ZNF708: variants seen among roughly 807,000 people sequenced by gnomAD.
ZNF708 encodes ZNF15, ZNF15L1.
Under a neutral mutation model 47.0 loss-of-function variants are expected in ZNF708, and 44 were observed. The observed-to-expected ratio is 0.94, with a 90% CI of 0.74 to 1.20. The LOEUF is 1.20. ZNF708 is among the 50% of genes most tolerant of loss of function. ZNF708 has a pLI of 0.00. For synonymous variants in ZNF708, 184 were observed against 218.5 expected (o/e 0.84, Z 1.39); for missense variants, 557 against 656.0 (o/e 0.85, Z 1.65).
At chr19:21,326,007 A>G (rs567394327) in intron 1 of ZNF708, among the ~76,000 whole-genome samples, 8 of 152,340 alleles carry the variant, frequency 5.3e-5, no homozygotes, top group African/African-American at 1.9e-4. Flanking sequence ...TCAAAACCAC[A>G]ATGCGATACC....
intron 3 of ZNF708, among the ~76,000 whole-genome samples, chr19:21,297,246 A>G (rs190327075): frequency 0.017 from 136 of 7,934 alleles, 5 homozygotes; most frequent in South Asian, 0.036. Context: ...CAAATAAGGT[A>G]TATATATATA....
intron 3 of ZNF708, among the ~76,000 whole-genome samples, chr19:21,304,630 A>G (rs1972723930): frequency 1.3e-5 from 2 of 152,218 alleles, no homozygotes; most frequent in Non-Finnish European, 1.5e-5. Flanking sequence ...GCTCATATCT[A>G]TAATCTCAAC....
At chr19:21,319,462 T>TA (rs1555723287) in intron 1 of ZNF708, among the ~76,000 whole-genome samples, 7 of 151,564 alleles carry the variant, frequency 4.6e-5, no homozygotes, top group East Asian at 1.9e-4. Context: ...TTTTTTTTTT[T>TA]AATTTTTTGA....
In ZNF708 at chr19:21,294,561, G is replaced by C. The variant is rs953331898; in HGVS notation, c.405C>G (p.Thr135=). ...HKGLNRCVTT[T]QSKIVQCDKY... is the part of the protein sequence containing the mutation. The stretch of plus-strand genomic sequence containing the variant: ...TGTCACACTGAACTATTTTGCTCTG[G>C]GTAGTTGTCACACACCGGTTAAGTC... Residue 135 remains threonine (T), a synonymous_variant, in exon 4 of 4, where the codon ACC becomes ACG. Transcript: ENST00000356929. 2 of 1,614,010 alleles carry C rather than the reference G, an allele frequency of 1.2e-6. No individual in the cohort carries two copies. Among genetic ancestry groups the C allele is most frequent in the Non-Finnish European group, 1.7e-6 (2 of 1,179,954 alleles).
Position 21,293,064 on chromosome 19 carries a change from T to C in ZNF708, c.*210A>G, listed in dbSNP as rs1168247447. The C allele has an allele frequency of 4.7e-6, 3 of 635,676 alleles. No individual in the cohort carries two copies. The highest frequency in any genetic ancestry group is 7.7e-6 in the Non-Finnish European group (3 of 388,548). 39.4% of individuals were successfully genotyped at this position (635,676 alleles called of 1,614,324 possible). ...TTTCTCTCCAGTTTAAGTTTTTTTA[T>C]GTTTAGTAAGATTTAGGGACCAGTT... On this transcript the variant is annotated 3_prime_UTR_variant, in exon 4 of 4. Coordinates refer to ENST00000356929, the MANE Select transcript of ZNF708 (RefSeq NM_021269.3).
rs535767416 is a variant in ZNF708 at position 21,323,746 on chromosome 19, A to G, written c.3+5464T>C. 4.4e-3 allele frequency among the ~76,000 whole-genome samples: 671 copies of G among 152,258 alleles called. 11 individuals carry two copies. The highest frequency in any genetic ancestry group is 0.016 in the African/African-American group (645 of 41,548). ...TCCACCTGTGGGTCCCCAGCTTTCC[A>G]GGGCTCTGTAGCTTCTCCCAGGATA... is the stretch of plus-strand genomic sequence containing the variant. On this transcript the variant is annotated intron_variant, in intron 1 of 3. Coordinates refer to ENST00000356929, the MANE Select transcript of ZNF708 (RefSeq NM_021269.3).
chr19:21,294,597 T>A lies in ZNF708; in HGVS notation c.369A>T (p.Gly123=). 1 of 1,614,122 alleles carries A rather than the reference T, an allele frequency of 6.2e-7. No homozygotes were observed. The highest frequency in any genetic ancestry group is 1.1e-5 in the South Asian group (1 of 91,084). The change falls in exon 4 of 4, where the codon GGA becomes GGT. Residue 123 remains glycine, a synonymous_variant. Transcript: ENST00000356929. ...KSVDEHKLHK[G]GHKGLNRCVT... ...CACACCGGTTAAGTCCCTTGTGACC[T>A]CCTTTGTGCAACTTATGCTCATCCA...
chr19:21,310,369 C>G, intron 2 of ZNF708, 132 bp downstream of exon 2: 1 of 284,996 alleles, frequency 3.5e-6, no homozygotes, highest in East Asian at 1.2e-4. Context: ...CTCTTGAACC[C>G]TGGAGGCAAA....
At chr19:21,308,060 T>A (rs1014430400) in intron 3 of ZNF708, among the ~76,000 whole-genome samples, 1 of 151,778 alleles carries the variant, frequency 6.6e-6, no homozygotes, top group East Asian at 1.9e-4. Flanking sequence ...GTGAAAAAAA[T>A]CTTTACAATA....
chr19:21,305,393 A>C (rs1057011869), intron 3 of ZNF708, among the ~76,000 whole-genome samples: 3 of 152,108 alleles, frequency 2.0e-5, no homozygotes, highest in Non-Finnish European at 4.4e-5. Flanking sequence ...GAATGAATTT[A>C]ATATAATCTC....
In ZNF708 at chr19:21,328,061, A is replaced by G. The variant is rs1973298027; in HGVS notation, c.3+1149T>C. 8 of 983,428 alleles carry G rather than the reference A, an allele frequency of 8.1e-6. 1 individual carries two copies. The South Asian group carries it at 3.8e-4, about 46-fold the overall frequency. 60.9% of individuals were successfully genotyped at this position (983,428 alleles called of 1,614,324 possible). ...TGTATCTTGGTTTACTCCAGACAGT[A>G]CTGAAACCCAGGACCAGGAAAAAAC... On this transcript the variant is annotated intron_variant, in intron 1 of 3. Transcript: ENST00000356929.
chr19:21,329,104 C>T (rs1373330271), intron 1 of ZNF708, 106 bp downstream of exon 1: 18 of 1,518,516 alleles, frequency 1.2e-5, no homozygotes, highest in Non-Finnish European at 1.6e-5. Flanking sequence ...ACTCGGAGCG[C>T]AGATTGTGGA....
Position 21,294,532 on chromosome 19 carries a change from T to C in ZNF708, c.434A>G (p.Tyr145Cys). 1 of 1,614,214 alleles carries C rather than the reference T, an allele frequency of 6.2e-7. No individual in the cohort carries two copies. The highest frequency in any genetic ancestry group is 1.1e-5 in the South Asian group (1 of 91,086). The change falls in exon 4 of 4, where the codon TAC becomes TGC. Residue 145 changes from tyrosine to cysteine, a missense_variant. Coordinates refer to ENST00000356929, the MANE Select transcript of ZNF708 (RefSeq NM_021269.3). ...TQSKIVQCDK[Y>C]VKVFHKYSNA... ...TGAATATTTATGAAAGACTTTCACG[T>C]ATTTGTCACACTGAACTATTTTGCT... is the stretch of plus-strand genomic sequence containing the variant.
chr19:21,312,051 T>G (rs1781868), intron 1 of ZNF708, among the ~76,000 whole-genome samples: 2,619 of 152,140 alleles, frequency 0.017, 87 homozygotes, highest in African/African-American at 0.056. Flanking sequence ...TCCCAGCACT[T>G]TGGGGGGCCA....
chr19:21,327,768 T>C (rs1188728609), intron 1 of ZNF708, among the ~76,000 whole-genome samples: 1 of 152,142 alleles, frequency 6.6e-6, no homozygotes, highest in African/African-American at 2.4e-5. Context: ...GCAGAAATTA[T>C]TTCTGTGTTT....
In ZNF708 at chr19:21,300,121, T is replaced by G. The variant is rs924689707; in HGVS notation, c.227-5382A>C. Among the ~76,000 whole-genome samples, 3 of 150,450 alleles carry G rather than the reference T, an allele frequency of 2.0e-5. No homozygotes were observed. In the East Asian group the frequency reaches 5.9e-4, roughly 30 times the overall value. On this transcript the variant is annotated intron_variant, in intron 3 of 3. Coordinates refer to ENST00000356929, the MANE Select transcript of ZNF708 (RefSeq NM_021269.3). ...GAGTTCGAGACCAGCCTGACCAACA[T>G]GGAGAAACCCCATCTCTACTAAAAA... is the stretch of plus-strand genomic sequence containing the variant.
At chr19:21,313,161 G>A (rs1423576848) in intron 1 of ZNF708, among the ~76,000 whole-genome samples, 1 of 150,880 alleles carries the variant, frequency 6.6e-6, no homozygotes, top group African/African-American at 2.4e-5. Flanking sequence ...GGTGGCATGT[G>A]CCTGTAATCC....
chr19:21,305,274 G>A (rs914999576), intron 3 of ZNF708, among the ~76,000 whole-genome samples: 5 of 151,824 alleles, frequency 3.3e-5, no homozygotes, highest in Admixed American at 2.6e-4. Flanking sequence ...CTCCCAAAGT[G>A]CTGGGATTAC....
At position 21,292,928 on chromosome 19, in the gene ZNF708, A is replaced by T. The variant is rs1972425027; in HGVS notation, c.*346T>A. The T allele has an allele frequency of 5.0e-6, 1 of 199,928 alleles. No homozygotes were observed. Among genetic ancestry groups the T allele is most frequent in the Admixed American group, 5.4e-5 (1 of 18,670 alleles). The allele number at this position is 199,928 out of a possible 1,614,324, so 12.4% of individuals were successfully genotyped here. A position where few individuals can be genotyped will look rare whatever the true frequency, so the allele number is the denominator to read the frequency against. On this transcript the variant is annotated 3_prime_UTR_variant, in exon 4 of 4. Transcript: ENST00000356929. ...AATCAAGTGTGACAATCATTTAAAG[A>T]TTTTGTCACATTTTTCGCATTTTTA...
Sources: allele counts gnomAD v4.1 joint callset (sites outside exome capture counted in the v4.1 genomes callset), GRCh38; gene constraint gnomAD v4.1.1; transcripts MANE v1.5; gene names NCBI Gene and HGNC (gene_info 2026-07-23, HGNC 2026-07-21).